ZPLD1: variants seen among roughly 807,000 people sequenced by gnomAD.
ZPLD1 encodes zona pellucida-like domain-containing protein 1.
In ZPLD1, 34 loss-of-function variants were observed where a neutral mutation model predicts 47.2. That is an observed-to-expected ratio of 0.72 (90% CI 0.55 to 0.96). The LOEUF is 0.96. ZPLD1 is among the 40% of genes least tolerant of loss of function. The pLI is 0.00. For synonymous variants in ZPLD1, 176 were observed against 186.2 expected (o/e 0.95, Z 0.45); for missense variants, 512 against 505.8 (o/e 1.01, Z -0.12).
At chr3:102,411,322 T>A (rs1223382558) in intron 7 of ZPLD1, among the ~76,000 whole-genome samples, 1 of 151,790 alleles carries the variant, frequency 6.6e-6, no homozygotes, top group Non-Finnish European at 1.5e-5. Flanking sequence ...CTCAATTCAA[T>A]ACTTATTTGG....
At chr3:102,464,541 A>T (rs1440404912) in intron 8 of ZPLD1, among the ~76,000 whole-genome samples, 1 of 152,224 alleles carries the variant, frequency 6.6e-6, no homozygotes, top group Admixed American at 6.5e-5. Flanking sequence ...CTGTCTTAGG[A>T]AACGCATAGT....
chr3:102,428,078 A>C (rs1000621108), intron 8 of ZPLD1, among the ~76,000 whole-genome samples: 1 of 152,178 alleles, frequency 6.6e-6, no homozygotes, highest in Non-Finnish European at 1.5e-5. Context: ...TAACAAACTC[A>C]ACTATATAGT....
intron 8 of ZPLD1, among the ~76,000 whole-genome samples, chr3:102,426,674 G>T (rs1706952186): frequency 6.6e-6 from 1 of 152,094 alleles, no homozygotes; most frequent in Non-Finnish European, 1.5e-5. Context: ...GCTAATTGAA[G>T]TGTTTAAATG....
At chr3:102,425,785 G>T (rs1706938368) in intron 8 of ZPLD1, among the ~76,000 whole-genome samples, 1 of 151,568 alleles carries the variant, frequency 6.6e-6, no homozygotes, top group Non-Finnish European at 1.5e-5. Flanking sequence ...TCCTTTCAAT[G>T]CTTTCATTCT....
chr3:102,435,922 G>A (rs1576145547), intron 1 of ZPLD1, among the ~76,000 whole-genome samples: 1 of 152,118 alleles, frequency 6.6e-6, no homozygotes, highest in South Asian at 2.1e-4. Flanking sequence ...GATTACGGGC[G>A]TGAGCCACCA....
intron 1 of ZPLD1, 106 bp from the exon 2 acceptor site, chr3:102,436,754 T>A: frequency 2.7e-6 from 1 of 366,550 alleles, no homozygotes; most frequent in Non-Finnish European, 3.8e-6. Flanking sequence ...AAGTGTACAT[T>A]CAGTAAATGT....
chr3:102,395,497 G>A (rs540151139), intron 7 of ZPLD1, among the ~76,000 whole-genome samples: 2 of 152,206 alleles, frequency 1.3e-5, no homozygotes, highest in East Asian at 3.9e-4. Flanking sequence ...AATGTAGGCA[G>A]CCTCTGGGGG....
At chr3:102,466,595 A>T (rs904529662) in intron 8 of ZPLD1, among the ~76,000 whole-genome samples, 7 of 152,160 alleles carry the variant, frequency 4.6e-5, no homozygotes, top group African/African-American at 1.7e-4. Context: ...TAGGACAGTA[A>T]AAGCCATGGC....
chr3:102,400,705 T>C (rs563733774), intron 7 of ZPLD1, among the ~76,000 whole-genome samples: 21 of 152,208 alleles, frequency 1.4e-4, no homozygotes, highest in African/African-American at 5.1e-4. Context: ...CTCATTGGGA[T>C]AGTGTGATGC....
chr3:102,442,492 C>G (rs997535985), intron 3 of ZPLD1, among the ~76,000 whole-genome samples: 23 of 151,992 alleles, frequency 1.5e-4, no homozygotes, highest in Admixed American at 5.9e-4. Context: ...TTATTTAACC[C>G]ATTTTTTTGG....
chr3:102,413,062 G>C (rs554987891), intron 7 of ZPLD1, among the ~76,000 whole-genome samples: 4 of 151,834 alleles, frequency 2.6e-5, no homozygotes, highest in Non-Finnish European at 5.9e-5. Flanking sequence ...AAACTGGTTT[G>C]ACTTCTGCTA....
intron 3 of ZPLD1, among the ~76,000 whole-genome samples, chr3:102,443,352 A>G (rs1707210161): frequency 6.6e-6 from 1 of 152,206 alleles, no homozygotes; most frequent in Non-Finnish European, 1.5e-5. Flanking sequence ...TTCTTACAAT[A>G]AACTTACAAA....
chr3:102,476,089 C>A (rs1223212049), intron 10 of ZPLD1, among the ~76,000 whole-genome samples: 2 of 152,084 alleles, frequency 1.3e-5, no homozygotes, highest in Admixed American at 6.6e-5. Flanking sequence ...AATATCCAAA[C>A]CATATGGCTT....
intron 8 of ZPLD1, among the ~76,000 whole-genome samples, chr3:102,426,132 G>GCACACA (rs79509819): frequency 2.8e-5 from 4 of 143,098 alleles, no homozygotes; most frequent in East Asian, 2.1e-4. Flanking sequence ...ACACACACAT[G>GCACACA]CACACACACA....
At chr3:102,396,634 G>T (rs573761200) in intron 7 of ZPLD1, among the ~76,000 whole-genome samples, 2 of 152,232 alleles carry the variant, frequency 1.3e-5, no homozygotes, top group African/African-American at 4.8e-5. Context: ...GGACACTAAG[G>T]CTGGGAGAAG....
chr3:102,410,637 A>T (rs1489054126), intron 7 of ZPLD1, among the ~76,000 whole-genome samples: 2 of 148,372 alleles, frequency 1.3e-5, no homozygotes, highest in South Asian at 4.2e-4. Context: ...GCAACCTAAC[A>T]TTGGTCTTTA....
chr3:102,400,306 T>G (rs972815118), intron 7 of ZPLD1, among the ~76,000 whole-genome samples: 1 of 152,126 alleles, frequency 6.6e-6, no homozygotes, highest in African/African-American at 2.4e-5. Context: ...CAGGGTTTTA[T>G]GTAGGAAATT....
chr3:102,447,523 T>C (rs949900065), intron 3 of ZPLD1, among the ~76,000 whole-genome samples: 1 of 152,232 alleles, frequency 6.6e-6, no homozygotes, highest in South Asian at 2.1e-4. Flanking sequence ...GCCATCTTTG[T>C]ATTGCAGAAT....
intron 4 of ZPLD1, 34 bp from the exon 5 acceptor site, chr3:102,456,159 T>C: frequency 1.3e-6 from 2 of 1,586,744 alleles, no homozygotes; most frequent in Non-Finnish European, 1.7e-6. Flanking sequence ...TATATAGCCA[T>C]TTAATCATTA....
Sources: allele counts gnomAD v4.1 joint callset (sites outside exome capture counted in the v4.1 genomes callset), GRCh38; gene constraint gnomAD v4.1.1; transcripts MANE v1.5; gene names NCBI Gene and HGNC (gene_info 2026-07-23, HGNC 2026-07-21).